Variants in CCDC126 observed in about 807,000 individuals in gnomAD.
CCDC126 encodes the protein coiled-coil domain containing 126.
A neutral mutation model predicts 11.7 loss-of-function variants in CCDC126; 5 were observed. That is an observed-to-expected ratio of 0.43 (90% confidence interval 0.22 to 0.90). CCDC126 has a LOEUF of 0.90. CCDC126 is among the 40% of genes least tolerant of loss of function. CCDC126 has a pLI of 0.27. For synonymous variants in CCDC126, 60 were observed against 61.9 expected, an observed-to-expected ratio of 0.97 and a Z score of 0.14; for missense variants, 150 against 163.1, an observed-to-expected ratio of 0.92 and a Z score of 0.44.
intron 3 of CCDC126, among the ~76,000 whole-genome samples, chr7:23,635,783 C>G (rs1047607169): frequency 1.3e-5 from 2 of 152,246 alleles, no homozygotes; most frequent in African/African-American, 4.8e-5. Flanking sequence ...TAGACTGCAC[C>G]TTTATAATTC....
chr7:23,635,539 A>G (rs540588983), intron 3 of CCDC126, among the ~76,000 whole-genome samples: 22 of 152,392 alleles, frequency 1.4e-4, no homozygotes, highest in African/African-American at 4.8e-4. Flanking sequence ...AAGAACTCCA[A>G]GAAATAAGAG....
intron 3 of CCDC126, chr7:23,622,690 G>A (rs888917450): frequency 3.8e-6 from 2 of 531,348 alleles, no homozygotes; most frequent in African/African-American, 3.9e-5. Context: ...GCTTAGTACA[G>A]AGAGTAGCTC....
In CCDC126 at chr7:23,639,456, C is replaced by G. The variant is rs146091690; in HGVS notation, c.239-3475C>G. ...TGACCTCAAGTGATCCATCCTGCCT[C>G]GGCCGCCCAAAGTGCTGGGATTACA... On this transcript the variant is annotated intron_variant, in intron 3 of 3. Transcript: ENST00000307471. 5.6e-3 allele frequency among the ~76,000 whole-genome samples: 857 copies of G among 152,260 alleles called. 11 individuals carry two copies. The highest frequency in any genetic ancestry group is 0.02 in the African/African-American group (827 of 41,556).
intron 2 of CCDC126, among the ~76,000 whole-genome samples, chr7:23,610,818 C>T (rs1404166362): frequency 6.6e-6 from 1 of 151,534 alleles, no homozygotes; most frequent in Non-Finnish European, 1.5e-5. Context: ...GGAAGAATAG[C>T]TTTTAGGCAT....
intron 3 of CCDC126, among the ~76,000 whole-genome samples, chr7:23,631,594 C>T (rs1424661847): frequency 5.9e-5 from 9 of 152,016 alleles, no homozygotes; most frequent in Non-Finnish European, 1.3e-4. Context: ...AACCCTGTCT[C>T]TACTAAAAAC....
intron 3 of CCDC126, among the ~76,000 whole-genome samples, chr7:23,636,773 G>A (rs1476945839): frequency 7.0e-6 from 1 of 142,368 alleles, no homozygotes; most frequent in Non-Finnish European, 1.5e-5. Context: ...GGGAGGTGGG[G>A]GGGGGGTCAG....
rs1258807067 is a variant in CCDC126 at position 23,634,669 on chromosome 7, C to G, written c.239-8262C>G. Among the ~76,000 whole-genome samples, 5 of 152,176 alleles carry G rather than the reference C, an allele frequency of 3.3e-5. No individual in the cohort carries two copies. The East Asian group carries it at 9.6e-4, about 29-fold the overall frequency. ...AGTTCCCAAATCAGCTGGCTTCTGC[C>G]TGGGTTCAGCCAGTGGGAGGTATGG... On this transcript the variant is annotated intron_variant, in intron 3 of 3. Transcript: ENST00000307471.
In CCDC126 at chr7:23,643,234, T is replaced by TC; in HGVS notation, c.*120dup. On this transcript the variant is annotated 3_prime_UTR_variant, in exon 4 of 4. Transcript: ENST00000307471. ...TTTACAATAAAAGCTCTACACATTT[T>TC]CAAGGAGTATGCTGGATTCATGGAA... 1.2e-6 allele frequency: 1 copy of TC among 863,136 alleles called. No individual in the cohort carries two copies. The allele number at this position is 863,136 out of a possible 1,614,324, so 53.5% of individuals were successfully genotyped here.
intron 3 of CCDC126, among the ~76,000 whole-genome samples, chr7:23,631,618 G>A (rs774261172): frequency 1.3e-5 from 2 of 151,942 alleles, no homozygotes; most frequent in Admixed American, 6.6e-5. Flanking sequence ...AAAATTAGCC[G>A]GGCGTGGTGG....
intron 3 of CCDC126, among the ~76,000 whole-genome samples, chr7:23,624,079 C>T (rs1231416973): frequency 6.6e-6 from 1 of 152,176 alleles, no homozygotes; most frequent in African/African-American, 2.4e-5. Flanking sequence ...TCTTACTTCT[C>T]ATTAAAGATT....
chr7:23,618,323 G>A (rs1287395181), intron 3 of CCDC126, among the ~76,000 whole-genome samples: 2 of 152,036 alleles, frequency 1.3e-5, no homozygotes, highest in Non-Finnish European at 2.9e-5. Flanking sequence ...TAATCACATG[G>A]TTGTCCTTTC....
Position 23,640,991 on chromosome 7 carries a change from G to GATTTTTTTTTTTTTTTTTTTTTTTTT in CCDC126, c.239-1940_239-1939insATTTTTTTTTTTTTTTTTTTTTTTTT, listed in dbSNP as rs754297249. 5.4e-5 allele frequency among the ~76,000 whole-genome samples: 6 copies of GATTTTTTTTTTTTTTTTTTTTTTTTT among 111,000 alleles called. 1 individual carries two copies. The highest frequency in any genetic ancestry group is 3.8e-5 in the African/African-American group (1 of 26,644). The allele number at this position is 111,000 out of a possible 152,430, so 72.8% of individuals were successfully genotyped here. A position where few individuals can be genotyped will look rare whatever the true frequency, so the allele number is the denominator to read the frequency against. Reference sequence around the variant, plus strand: ...ATCCCTCTGAGCTCTGAATCCTTTTGGTTTTTTTTTTTTTTTTTTTTTTTG... The same window carrying GATTTTTTTTTTTTTTTTTTTTTTTTT: ...ATCCCTCTGAGCTCTGAATCCTTTTGATTTTTTTTTTTTTTTTTTTTTTTTTGTTTTTTTTTTTTTTTTTTTTTTTG... On this transcript the variant is annotated intron_variant, in intron 3 of 3. Coordinates refer to ENST00000307471, the MANE Select transcript of CCDC126 (RefSeq NM_138771.4).
Position 23,644,483 on chromosome 7 carries a change from T to TA in CCDC126, c.*1369dup, listed in dbSNP as rs1783424393. 2 of 152,532 alleles carry TA rather than the reference T, an allele frequency of 1.3e-5. No individual in the cohort carries two copies. The highest frequency in any genetic ancestry group is 2.4e-5 in the African/African-American group (1 of 41,460). 9.4% of individuals were successfully genotyped at this position (152,532 alleles called of 1,614,324 possible). ...ATATGCTACCACATGTAGCAATAAT[T>TA]ACAATATTTTATTAAAATAAATATG... On this transcript the variant is annotated 3_prime_UTR_variant, in exon 4 of 4. Transcript: ENST00000307471.
At chr7:23,621,495 T>G (rs1424332983) in intron 3 of CCDC126, among the ~76,000 whole-genome samples, 1 of 152,168 alleles carries the variant, frequency 6.6e-6, no homozygotes, top group African/African-American at 2.4e-5. Context: ...ATGATGGGGT[T>G]TTCTAGATAT....
chr7:23,644,518 G>C lies in CCDC126; in HGVS notation c.*1403G>C, dbSNP rs1419524473. The C allele has an allele frequency of 6.6e-6, 1 of 152,404 alleles. No individual in the cohort carries two copies. The allele number at this position is 152,404 out of a possible 1,614,324, so 9.4% of individuals were successfully genotyped here. ...TATTAAAATAAATATGTGAAATATT[G>C]TTTCATGAAAGACAGATTTCCAAAT... On this transcript the variant is annotated 3_prime_UTR_variant, in exon 4 of 4. Coordinates refer to ENST00000307471, the MANE Select transcript of CCDC126 (RefSeq NM_138771.4).
intron 3 of CCDC126, among the ~76,000 whole-genome samples, chr7:23,628,193 T>C (rs926572625): frequency 1.3e-5 from 2 of 152,224 alleles, no homozygotes; most frequent in African/African-American, 2.4e-5. Context: ...ATCTATGTTA[T>C]GCATCTCTCC....
intron 3 of CCDC126, among the ~76,000 whole-genome samples, chr7:23,634,824 G>C: frequency 6.6e-6 from 1 of 152,170 alleles, no homozygotes; most frequent in East Asian, 1.9e-4. Flanking sequence ...CCTTGGTTCT[G>C]TTTTTCCACG....
intron 3 of CCDC126, among the ~76,000 whole-genome samples, chr7:23,619,016 C>T (rs113232427): frequency 5.1e-4 from 78 of 152,016 alleles, no homozygotes; most frequent in African/African-American, 1.8e-3. Context: ...GGGATCTGAG[C>T]GAGAGAAAAA....
intron 2 of CCDC126, chr7:23,601,820 A>G (rs1366151014): frequency 2.0e-5 from 3 of 152,088 alleles, no homozygotes; most frequent in Non-Finnish European, 4.4e-5. Flanking sequence ...AGTAGCTGGG[A>G]CTACAGGTGC....
Sources: gnomAD v4.1 joint callset for allele counts (sites outside exome capture counted in the v4.1 genomes callset) on GRCh38, gnomAD v4.1.1 for gene constraint, MANE v1.5 for transcripts, NCBI Gene and HGNC (gene_info 2026-07-23, HGNC 2026-07-21) for gene names.